The following WWOX variants were observed in gnomAD, a reference collection of about 807,000 sequenced individuals.
WWOX encodes WW domain containing oxidoreductase.
WWOX carries 69 observed loss-of-function variants against 46.2 expected under a neutral mutation model. The observed-to-expected ratio is 1.49, with a 90% CI of 1.23 to 1.82. WWOX has a LOEUF of 1.82. Among genes scored for constraint, WWOX ranks in the 40% most tolerant of loss-of-function variants. The pLI is 0.00. For synonymous variants in WWOX, 359 were observed against 202.6 expected (o/e 1.77, Z -6.56); for missense variants, 919 against 542.6 (o/e 1.69, Z -6.89).
chr16:78,105,706 G>A (rs1394146917), intron 1 of WWOX, among the ~76,000 whole-genome samples: 1 of 152,192 alleles, frequency 6.6e-6, no homozygotes, highest in Admixed American at 6.5e-5. Context: ...ATGTCTGAGG[G>A]CCCAGCTTCA....
chr16:78,677,106 G>A (rs1311767306), intron 8 of WWOX, among the ~76,000 whole-genome samples: 1 of 151,580 alleles, frequency 6.6e-6, no homozygotes, highest in African/African-American at 2.4e-5. Flanking sequence ...AATTCTCGTA[G>A]GCATTATATT....
intron 8 of WWOX, among the ~76,000 whole-genome samples, chr16:78,991,109 A>G (rs757157872): frequency 6.6e-6 from 1 of 152,226 alleles, no homozygotes; most frequent in Non-Finnish European, 1.5e-5. Flanking sequence ...GTTGTGGAGA[A>G]GGAAAAGTGA....
At chr16:79,144,650 T>A (rs1421057739) in intron 8 of WWOX, among the ~76,000 whole-genome samples, 1 of 152,238 alleles carries the variant, frequency 6.6e-6, no homozygotes, top group Non-Finnish European at 1.5e-5. Flanking sequence ...TTTGACTTTA[T>A]AATATTAAGT....
At chr16:78,715,690 T>A (rs113787370) in intron 8 of WWOX, among the ~76,000 whole-genome samples, 3 of 152,318 alleles carry the variant, frequency 2.0e-5, no homozygotes, top group Non-Finnish European at 2.9e-5. Flanking sequence ...TTGGCCAGGC[T>A]GGTCTCGAAC....
intron 8 of WWOX, among the ~76,000 whole-genome samples, chr16:78,928,089 C>T (rs1236506689): frequency 6.6e-6 from 1 of 151,946 alleles, no homozygotes; most frequent in African/African-American, 2.4e-5. Flanking sequence ...GCCTGGACTT[C>T]AAAAGCCTTT....
chr16:78,302,557 A>G (rs935541298), intron 5 of WWOX, among the ~76,000 whole-genome samples: 1 of 152,168 alleles, frequency 6.6e-6, no homozygotes, highest in African/African-American at 2.4e-5. Context: ...ATGCTGAGAG[A>G]AATGCCAATT....
intron 8 of WWOX, among the ~76,000 whole-genome samples, chr16:78,554,040 C>A (rs528544548): frequency 6.6e-6 from 1 of 152,212 alleles, no homozygotes; most frequent in East Asian, 1.9e-4. Flanking sequence ...GGCAACAAAT[C>A]TGAGTTGTTC....
At chr16:78,579,844 CTTCTG>C (rs2045003812) in intron 8 of WWOX, among the ~76,000 whole-genome samples, 1 of 152,140 alleles carries the variant, frequency 6.6e-6, no homozygotes, top group African/African-American at 2.4e-5. Flanking sequence ...AATGTCTCTT[CTTCTG>C]AAATGAGGCT....
chr16:78,228,261 G>A (rs546329018), intron 5 of WWOX, among the ~76,000 whole-genome samples: 1 of 152,122 alleles, frequency 6.6e-6, no homozygotes, highest in South Asian at 2.1e-4. Context: ...AGGCACCCAG[G>A]GGGAGATGGC....
chr16:78,789,037 C>A (rs146192826), intron 8 of WWOX, among the ~76,000 whole-genome samples: 111 of 152,266 alleles, frequency 7.3e-4, no homozygotes, highest in African/African-American at 2.2e-3. Flanking sequence ...CTTTTGATAT[C>A]ATCTCGTGAT....
intron 8 of WWOX, among the ~76,000 whole-genome samples, chr16:78,888,597 C>T (rs1054251542): frequency 6.5e-4 from 99 of 152,142 alleles, no homozygotes; most frequent in Non-Finnish European, 1.1e-3. Flanking sequence ...AGCTGTCATT[C>T]TAATGAGGAC....
chr16:78,605,618 T>C (rs951495949), intron 8 of WWOX, among the ~76,000 whole-genome samples: 3 of 152,178 alleles, frequency 2.0e-5, no homozygotes, highest in African/African-American at 7.2e-5. Flanking sequence ...ACAACCCAAA[T>C]GTTAAAATTT....
intron 8 of WWOX, among the ~76,000 whole-genome samples, chr16:78,933,615 C>G (rs1370027118): frequency 6.6e-6 from 1 of 152,240 alleles, no homozygotes; most frequent in East Asian, 1.9e-4. Flanking sequence ...GGGCAATTTA[C>G]AAAAGAAAGA....
At chr16:78,251,038 C>G (rs903731233) in intron 5 of WWOX, among the ~76,000 whole-genome samples, 5 of 152,152 alleles carry the variant, frequency 3.3e-5, no homozygotes, top group Admixed American at 2.6e-4. Context: ...AGGTGCATCT[C>G]CCACACAGGA....
At chr16:79,178,900 A>T (rs1293513816) in intron 8 of WWOX, among the ~76,000 whole-genome samples, 1 of 152,192 alleles carries the variant, frequency 6.6e-6, no homozygotes, top group African/African-American at 2.4e-5. Flanking sequence ...TGGCACAGAG[A>T]GCTGTTTAGT....
At chr16:78,340,582 T>C (rs2151899474) in intron 5 of WWOX, among the ~76,000 whole-genome samples, 1 of 121,040 alleles carries the variant, frequency 8.3e-6, no homozygotes, top group East Asian at 1.9e-4. Context: ...TCAAAGTTAC[T>C]GCTGCCAACT....
In WWOX at chr16:78,320,784, G is replaced by A. The variant is rs534411438; in HGVS notation, c.517-66076G>A. Among the ~76,000 whole-genome samples the A allele has an allele frequency of 3.3e-4, 51 of 152,270 alleles. 1 individual carries two copies. Among genetic ancestry groups the A allele is most frequent in the Admixed American group, 1.2e-3 (19 of 15,300 alleles). On this transcript the variant is annotated intron_variant, in intron 5 of 8. Coordinates refer to ENST00000566780, the MANE Select transcript of WWOX (RefSeq NM_016373.4). Reference sequence around the variant, plus strand: ...ATGGTATACCTTGCCTAACAGAAGAGAGAAGTAACATTCTTAGAAAACTTT... The same window carrying A: ...ATGGTATACCTTGCCTAACAGAAGAAAGAAGTAACATTCTTAGAAAACTTT...
chr16:78,211,388 T>G (rs2036554989), intron 5 of WWOX, among the ~76,000 whole-genome samples: 1 of 152,214 alleles, frequency 6.6e-6, no homozygotes, highest in Non-Finnish European at 1.5e-5. Flanking sequence ...GTGGGCCTAC[T>G]GTGTGCTGAG....
intron 8 of WWOX, among the ~76,000 whole-genome samples, chr16:78,955,655 G>A (rs1002191157): frequency 6.7e-6 from 1 of 148,492 alleles, no homozygotes; most frequent in Non-Finnish European, 1.5e-5. Flanking sequence ...ATTTATTTTT[G>A]TTTTTTTTGT....
Sources: gnomAD v4.1 joint callset for allele counts (sites outside exome capture counted in the v4.1 genomes callset) on GRCh38, gnomAD v4.1.1 for gene constraint, MANE v1.5 for transcripts, NCBI Gene and HGNC (gene_info 2026-07-23, HGNC 2026-07-21) for gene names.